CPNE8: variants seen among roughly 807,000 people sequenced by gnomAD.
The protein encoded by CPNE8 is copine-8.
A neutral mutation model predicts 81.5 loss-of-function variants in CPNE8; 45 were observed. That is an observed-to-expected ratio of 0.55 (90% CI 0.44 to 0.71). The LOEUF is 0.71. CPNE8 is among the 30% of genes least tolerant of loss of function. The pLI, the probability that CPNE8 is intolerant of heterozygous loss-of-function variation, is 0.00. For synonymous variants in CPNE8, 252 were observed against 226.3 expected, an observed-to-expected ratio of 1.11 and a Z score of -1.02; for missense variants, 594 against 672.1, an observed-to-expected ratio of 0.88 and a Z score of 1.28.
At chr12:38,882,309 C>T (rs1944171603) in intron 1 of CPNE8, among the ~76,000 whole-genome samples, 1 of 152,072 alleles carries the variant, frequency 6.6e-6, no homozygotes, top group South Asian at 2.1e-4. Flanking sequence ...TAGAGTGATG[C>T]AGTCACAAGC....
chr12:38,888,450 T>C (rs1373471440), intron 1 of CPNE8, among the ~76,000 whole-genome samples: 1 of 152,214 alleles, frequency 6.6e-6, no homozygotes, highest in Non-Finnish European at 1.5e-5. Flanking sequence ...TTAAGCAATA[T>C]CTTCTGTAAT....
At chr12:38,725,200 T>C (rs1377694935) in intron 11 of CPNE8, among the ~76,000 whole-genome samples, 1 of 152,164 alleles carries the variant, frequency 6.6e-6, no homozygotes, top group Non-Finnish European at 1.5e-5. Context: ...ATGTCCTAAC[T>C]AATGATTGCT....
intron 6 of CPNE8, among the ~76,000 whole-genome samples, chr12:38,822,956 A>G (rs998544966): frequency 6.6e-5 from 10 of 152,186 alleles, no homozygotes; most frequent in African/African-American, 2.4e-4. Context: ...AAAGTTGATT[A>G]CATTTTTACA....
chr12:38,798,869 G>T (rs1277936778), intron 6 of CPNE8, among the ~76,000 whole-genome samples: 1 of 151,582 alleles, frequency 6.6e-6, no homozygotes, highest in South Asian at 2.1e-4. Flanking sequence ...CCAAGCAAAT[G>T]GAAAACAAAA....
intron 6 of CPNE8, among the ~76,000 whole-genome samples, chr12:38,791,384 A>T (rs988527966): frequency 2.0e-5 from 3 of 151,664 alleles, no homozygotes; most frequent in Non-Finnish European, 3.0e-5. Flanking sequence ...TAGTTATTAA[A>T]ATATACTTAC....
At chr12:38,801,313 C>T (rs1271298588) in intron 6 of CPNE8, among the ~76,000 whole-genome samples, 1 of 26,756 alleles carries the variant, frequency 3.7e-5, no homozygotes, top group Admixed American at 4.1e-4. Flanking sequence ...GATCTCTCGG[C>T]AGAAACCCTA....
intron 10 of CPNE8, among the ~76,000 whole-genome samples, chr12:38,759,769 G>A (rs1440615670): frequency 1.3e-5 from 2 of 152,136 alleles, no homozygotes; most frequent in Non-Finnish European, 2.9e-5. Flanking sequence ...TCAAATTCCA[G>A]GACACTTATT....
At chr12:38,693,431 C>A (rs1447020796) in intron 15 of CPNE8, among the ~76,000 whole-genome samples, 3 of 151,904 alleles carry the variant, frequency 2.0e-5, no homozygotes, top group Admixed American at 1.3e-4. Context: ...CAAAATAGAC[C>A]CCCATTTGTA....
chr12:38,817,948 T>C (rs576299027), intron 6 of CPNE8, among the ~76,000 whole-genome samples: 2 of 152,182 alleles, frequency 1.3e-5, no homozygotes, highest in South Asian at 4.1e-4. Flanking sequence ...TTGAAGGCAA[T>C]ATAATGCTGT....
chr12:38,664,599 C>T (rs910015240), intron 19 of CPNE8, among the ~76,000 whole-genome samples: 5 of 152,050 alleles, frequency 3.3e-5, no homozygotes, highest in Admixed American at 3.3e-4. Flanking sequence ...TTCAGCAAGT[C>T]CTACAGGATA....
chr12:38,776,246 A>G lies in CPNE8; in HGVS notation c.463T>C (p.Cys155Arg). The G allele has an allele frequency of 6.5e-7, 1 of 1,543,432 alleles. No individual in the cohort carries two copies. Among genetic ancestry groups the G allele is most frequent in the Non-Finnish European group, 8.8e-7 (1 of 1,135,174 alleles). Residue 155 changes from cysteine (C) to arginine (R), a missense_variant, in exon 7 of 20, where the codon TGT becomes CGT. Transcript: ENST00000331366. ...AAGAAATATTTACTTACCCTGCAAC[A>G]GTTTAATTCCTCTGCTGTAAGTATG... is the stretch of plus-strand genomic sequence containing the variant. Reference protein sequence around the residue: ...TIILTAEELNCCRDAVLMQFC... With the variant: ...TIILTAEELNRCRDAVLMQFC...
chr12:38,761,924 G>T (rs1364637720), intron 9 of CPNE8, among the ~76,000 whole-genome samples, 188 bp downstream of exon 9: 1 of 152,184 alleles, frequency 6.6e-6, no homozygotes, highest in Non-Finnish European at 1.5e-5. Flanking sequence ...TGAAGATTCT[G>T]AAATAACTTT....
At chr12:38,795,932 T>A (rs1296313699) in intron 6 of CPNE8, among the ~76,000 whole-genome samples, 1 of 145,884 alleles carries the variant, frequency 6.9e-6, no homozygotes, top group African/African-American at 2.5e-5. Flanking sequence ...CCAGTTGAGG[T>A]TATTCTGAGA....
intron 4 of CPNE8, among the ~76,000 whole-genome samples, chr12:38,847,075 T>C (rs961036056): frequency 6.6e-6 from 1 of 152,118 alleles, no homozygotes. Context: ...AGCATATACA[T>C]TGAGTCATTT....
chr12:38,730,441 C>T, intron 10 of CPNE8, 83 bp from the exon 11 acceptor site: 1 of 682,608 alleles, frequency 1.5e-6, no homozygotes, highest in Non-Finnish European at 2.5e-6. Flanking sequence ...AAGGTTTAAT[C>T]ATTATCAAAA....
At position 38,652,757 on chromosome 12, in the gene CPNE8, T is replaced by C. The variant is rs1269255936; in HGVS notation, c.*1125A>G. 6.6e-6 allele frequency: 1 copy of C among 152,652 alleles called. No homozygotes were observed. Among genetic ancestry groups the C allele is most frequent in the Non-Finnish European group, 1.5e-5 (1 of 68,034 alleles). The allele number at this position is 152,652 out of a possible 1,614,324, so 9.5% of individuals were successfully genotyped here. ...CTGTAATTCTTGTAAAAACTGTACATGCAAAAACCCTTTACAATTATTCGT... is the reference window on the plus strand; with the variant it reads ...CTGTAATTCTTGTAAAAACTGTACACGCAAAAACCCTTTACAATTATTCGT... On this transcript the variant is annotated 3_prime_UTR_variant, in exon 20 of 20. Coordinates refer to ENST00000331366, the MANE Select transcript of CPNE8 (RefSeq NM_153634.3).
chr12:38,677,400 G>T, intron 17 of CPNE8, 52 bp downstream of exon 17: 1 of 938,454 alleles, frequency 1.1e-6, no homozygotes, highest in Non-Finnish European at 1.8e-6. Flanking sequence ...CTCTCTCTAA[G>T]TAGCACCATG....
intron 6 of CPNE8, among the ~76,000 whole-genome samples, chr12:38,814,155 T>C (rs952291971): frequency 2.0e-5 from 3 of 152,020 alleles, no homozygotes; most frequent in African/African-American, 7.2e-5. Context: ...GCAAGGTCTC[T>C]AGAGAAGCCT....
intron 13 of CPNE8, among the ~76,000 whole-genome samples, chr12:38,722,178 A>G (rs1446176574): frequency 1.3e-5 from 2 of 152,222 alleles, no homozygotes; most frequent in Non-Finnish European, 2.9e-5. Flanking sequence ...TTTTTACAGG[A>G]ATAAAATATA....
Sources: allele counts gnomAD v4.1 joint callset (sites outside exome capture counted in the v4.1 genomes callset), GRCh38; gene constraint gnomAD v4.1.1; transcripts MANE v1.5; gene names NCBI Gene and HGNC (gene_info 2026-07-23, HGNC 2026-07-21).